Variants in CTNNA2 observed in about 807,000 individuals in gnomAD.
The protein encoded by CTNNA2 is catenin alpha-2.
CTNNA2 carries 42 observed loss-of-function variants against 101.0 expected under a neutral mutation model. The observed-to-expected ratio is 0.42, with a 90% CI of 0.32 to 0.54. CTNNA2 has a LOEUF of 0.54. CTNNA2 is among the 20% of genes least tolerant of loss of function. CTNNA2 has a pLI of 0.14. For missense variants in CTNNA2, 871 were observed against 1,223.1 expected (o/e 0.71, Z 4.29); for synonymous variants, 450 against 456.4 (o/e 0.99, Z 0.18).
At chr2:79,404,662 A>G (rs1371661584) in intron 4 of CTNNA2, among the ~76,000 whole-genome samples, 3 of 152,190 alleles carry the variant, frequency 2.0e-5, no homozygotes, top group East Asian at 1.9e-4. Flanking sequence ...CACAATGGGC[A>G]TGAGAGAAAA....
intron 7 of CTNNA2, among the ~76,000 whole-genome samples, chr2:80,134,716 G>A (rs1482526532): frequency 6.6e-6 from 1 of 152,144 alleles, no homozygotes; most frequent in Non-Finnish European, 1.5e-5. Flanking sequence ...TTCCGGTTGT[G>A]CTTCAAAGCC....
chr2:79,284,628 T>C (rs1465804924), intron 2 of CTNNA2, among the ~76,000 whole-genome samples: 3 of 149,632 alleles, frequency 2.0e-5, no homozygotes, highest in Non-Finnish European at 4.5e-5. Flanking sequence ...TCATGGTGGA[T>C]AAGCTTTTTG....
intron 7 of CTNNA2, among the ~76,000 whole-genome samples, chr2:80,380,435 A>G (rs1458711453): frequency 6.6e-6 from 1 of 152,168 alleles, no homozygotes; most frequent in Non-Finnish European, 1.5e-5. Context: ...GGCTCTGAGG[A>G]GGCCTTGGAG....
intron 2 of CTNNA2, among the ~76,000 whole-genome samples, chr2:79,664,134 T>C (rs1012372944): frequency 3.3e-5 from 5 of 152,230 alleles, no homozygotes; most frequent in African/African-American, 1.2e-4. Context: ...AAATGTGTAA[T>C]ATTTTATCTT....
chr2:79,805,717 C>T (rs1056787195), intron 3 of CTNNA2, among the ~76,000 whole-genome samples: 2 of 151,914 alleles, frequency 1.3e-5, no homozygotes, highest in African/African-American at 4.8e-5. Flanking sequence ...ATGGGTGGAT[C>T]ACGAGGTCAG....
At chr2:79,277,021 C>T (rs894309747) in intron 2 of CTNNA2, among the ~76,000 whole-genome samples, 2 of 152,020 alleles carry the variant, frequency 1.3e-5, no homozygotes, top group African/African-American at 4.8e-5. Flanking sequence ...ACCCATCCAC[C>T]GAGTTTTTTG....
intron 9 of CTNNA2, among the ~76,000 whole-genome samples, chr2:80,469,785 G>T (rs1397704497): frequency 6.6e-6 from 1 of 152,104 alleles, no homozygotes; most frequent in African/African-American, 2.4e-5. Flanking sequence ...GGTAGGCAAG[G>T]GGCTTATGAC....
intron 1 of CTNNA2, among the ~76,000 whole-genome samples, chr2:79,192,711 T>C (rs995224244): frequency 6.6e-6 from 1 of 152,224 alleles, no homozygotes; most frequent in Non-Finnish European, 1.5e-5. Context: ...GAATGACAGA[T>C]GCTGTGCTTT....
intron 7 of CTNNA2, among the ~76,000 whole-genome samples, chr2:79,940,420 T>C (rs940642513): frequency 5.3e-5 from 8 of 152,362 alleles, no homozygotes; most frequent in African/African-American, 1.9e-4. Context: ...ATTTGATCTT[T>C]GGCATTATTT....
intron 2 of CTNNA2, among the ~76,000 whole-genome samples, chr2:79,730,963 A>G (rs1278285554): frequency 6.6e-6 from 1 of 152,056 alleles, no homozygotes; most frequent in Non-Finnish European, 1.5e-5. Context: ...TCCTGCTTGG[A>G]TGTTTCTTTC....
intron 7 of CTNNA2, among the ~76,000 whole-genome samples, chr2:79,952,165 A>G (rs1426488965): frequency 2.0e-5 from 3 of 152,144 alleles, no homozygotes. Context: ...TCTCCAGGCC[A>G]CCTAACTTAG....
chr2:80,388,162 G>C (rs553530907), intron 7 of CTNNA2, among the ~76,000 whole-genome samples: 1 of 152,166 alleles, frequency 6.6e-6, no homozygotes, highest in East Asian at 1.9e-4. Context: ...AAGGGAGATC[G>C]TTTAGATATG....
chr2:80,253,443 T>C (rs896792934), intron 7 of CTNNA2, among the ~76,000 whole-genome samples: 6 of 152,268 alleles, frequency 3.9e-5, no homozygotes, highest in African/African-American at 1.4e-4. Flanking sequence ...CTTTTGAACC[T>C]TTGTGGTGGA....
chr2:79,523,119 C>T (rs1672209543), intron 1 of CTNNA2: 12 of 301,190 alleles, frequency 4.0e-5, no homozygotes, highest in Non-Finnish European at 6.7e-5. Context: ...CGTTTCCTGC[C>T]ATAATAAAAA....
intron 9 of CTNNA2, among the ~76,000 whole-genome samples, chr2:80,467,794 C>T (rs529934909): frequency 5.9e-5 from 9 of 152,064 alleles, no homozygotes; most frequent in Non-Finnish European, 1.3e-4. Flanking sequence ...TATAAAGAAA[C>T]CTGAGGGAGC....
Position 79,390,001 on chromosome 2 carries a change from C to T in CTNNA2, c.-135+15988C>T. 1.3e-5 allele frequency among the ~76,000 whole-genome samples: 2 copies of T among 152,052 alleles called. 1 individual carries two copies. Among genetic ancestry groups the T allele is most frequent in the Non-Finnish European group, 2.9e-5 (2 of 68,008 alleles). ...TATATAAAAGTCTAATTTTATCAGC[C>T]ACCAGCAAAACCATTCTTTCTCTCT... On this transcript the variant is annotated intron_variant, in intron 4 of 21. Transcript: ENST00000466387.
intron 7 of CTNNA2, among the ~76,000 whole-genome samples, chr2:80,265,409 A>G (rs976232836): frequency 1.3e-5 from 2 of 152,160 alleles, no homozygotes; most frequent in Non-Finnish European, 2.9e-5. Flanking sequence ...TGGTAAAACT[A>G]AGGAATTTCA....
At chr2:80,358,169 T>G (rs1674024323) in intron 7 of CTNNA2, among the ~76,000 whole-genome samples, 1 of 152,092 alleles carries the variant, frequency 6.6e-6, no homozygotes, top group African/African-American at 2.4e-5. Flanking sequence ...ATAAATTCAG[T>G]TAATGCTTAC....
intron 7 of CTNNA2, among the ~76,000 whole-genome samples, chr2:79,977,377 T>C (rs563966782): frequency 7.9e-5 from 12 of 152,072 alleles, no homozygotes; most frequent in Admixed American, 2.6e-4. Flanking sequence ...ACTGGGGCAA[T>C]GGTGCTACTG....
Sources: allele counts gnomAD v4.1 joint callset (sites outside exome capture counted in the v4.1 genomes callset), GRCh38; gene constraint gnomAD v4.1.1; transcripts MANE v1.5; gene names NCBI Gene and HGNC (gene_info 2026-07-23, HGNC 2026-07-21).